Variants in KCNC2 observed in about 807,000 individuals in gnomAD.
KCNC2 encodes potassium voltage-gated channel subfamily C member 2.
KCNC2 carries 21 observed loss-of-function variants against 44.5 expected under a neutral mutation model. That is an observed-to-expected ratio of 0.47 (90% CI 0.33 to 0.68). The LOEUF is 0.68. Ranked by LOEUF, KCNC2 falls within the 30% of genes least tolerant of loss-of-function variation. The pLI, the probability that KCNC2 is intolerant of heterozygous loss-of-function variation, is 0.01. For synonymous variants in KCNC2, 391 were observed against 339.1 expected, an observed-to-expected ratio of 1.15 and a Z score of -1.68; for missense variants, 589 against 826.2, an observed-to-expected ratio of 0.71 and a Z score of 3.52.
intron 2 of KCNC2, among the ~76,000 whole-genome samples, chr12:75,200,972 C>A (rs1241788952): frequency 6.6e-6 from 1 of 151,488 alleles, no homozygotes; most frequent in Admixed American, 6.6e-5. Context: ...TGATAAGATA[C>A]TTTTCAAGTG....
At chr12:75,115,381 G>T (rs1887585291) in intron 2 of KCNC2, among the ~76,000 whole-genome samples, 1 of 152,220 alleles carries the variant, frequency 6.6e-6, no homozygotes, top group East Asian at 1.9e-4. Context: ...AAGAAGCTGA[G>T]CTTCTGAGAG....
intron 2 of KCNC2, among the ~76,000 whole-genome samples, chr12:75,116,712 C>T (rs1471137854): frequency 6.6e-6 from 1 of 152,136 alleles, no homozygotes; most frequent in African/African-American, 2.4e-5. Flanking sequence ...CTGATTAAAA[C>T]GATGCCATTC....
At chr12:75,183,676 T>G (rs931284381) in intron 2 of KCNC2, among the ~76,000 whole-genome samples, 24 of 152,328 alleles carry the variant, frequency 1.6e-4, no homozygotes, top group African/African-American at 5.8e-4. Context: ...TACCTCTGTC[T>G]TCTTGCAATA....
At chr12:75,101,225 C>T (rs1886345489) in intron 2 of KCNC2, among the ~76,000 whole-genome samples, 1 of 151,950 alleles carries the variant, frequency 6.6e-6, no homozygotes, top group Admixed American at 6.6e-5. Context: ...AAAACCAATC[C>T]AGCACACTAA....
chr12:75,086,499 G>T (rs1021435795), intron 2 of KCNC2, among the ~76,000 whole-genome samples: 7 of 151,710 alleles, frequency 4.6e-5, no homozygotes, highest in African/African-American at 1.7e-4. Flanking sequence ...ATACTAAAAT[G>T]CATGTGAATA....
rs1487385491 is a variant in KCNC2 at position 75,042,176 on chromosome 12, T to C, written c.*929A>G. 1.5e-5 allele frequency: 20 copies of C among 1,303,146 alleles called. No homozygotes were observed. The East Asian group carries it at 3.8e-4, about 25-fold the overall frequency. 80.7% of individuals were successfully genotyped at this position (1,303,146 alleles called of 1,614,324 possible). ...GAGCTTTGGGTGATATTTGGCACTC[T>C]GCCTCTGAAAATGATGACAAACCCT... is the stretch of plus-strand genomic sequence containing the variant. On this transcript the variant is annotated 3_prime_UTR_variant, in exon 5 of 5. Coordinates refer to ENST00000549446, the MANE Select transcript of KCNC2 (RefSeq NM_139137.4).
At chr12:75,158,842 A>T (rs1395263968) in intron 2 of KCNC2, among the ~76,000 whole-genome samples, 1 of 151,870 alleles carries the variant, frequency 6.6e-6, no homozygotes, top group Admixed American at 6.6e-5. Flanking sequence ...TTTGAATATA[A>T]TCAAGTTATA....
chr12:75,174,009 C>G (rs1178636098), intron 2 of KCNC2, among the ~76,000 whole-genome samples: 1 of 151,742 alleles, frequency 6.6e-6, no homozygotes, highest in African/African-American at 2.4e-5. Context: ...TCTTCATCTT[C>G]TGATTTTTTT....
chr12:75,163,812 C>T (rs1430121342), intron 2 of KCNC2, among the ~76,000 whole-genome samples: 1 of 151,664 alleles, frequency 6.6e-6, no homozygotes, highest in African/African-American at 2.4e-5. Flanking sequence ...AACTGTTTAT[C>T]TTAAAACACT....
At position 75,041,888 on chromosome 12, in the gene KCNC2, T is replaced by G; in HGVS notation, c.*1217A>C. 1 of 991,026 alleles carries G rather than the reference T, an allele frequency of 1.0e-6. No individual in the cohort carries two copies. The highest frequency in any genetic ancestry group is 4.6e-5 in the South Asian group (1 of 21,652). The allele number at this position is 991,026 out of a possible 1,614,324, so 61.4% of individuals were successfully genotyped here. A position where few individuals can be genotyped will look rare whatever the true frequency, so the allele number is the denominator to read the frequency against. ...AGTCGGGTTTGGAGGGAGTAAATATTAAAATCATAAACATCTTACAGAGGC... is the reference window on the plus strand; with the variant it reads ...AGTCGGGTTTGGAGGGAGTAAATATGAAAATCATAAACATCTTACAGAGGC... On this transcript the variant is annotated 3_prime_UTR_variant, in exon 5 of 5. Coordinates refer to ENST00000549446, the MANE Select transcript of KCNC2 (RefSeq NM_139137.4).
chr12:75,043,705 T>G (rs1880173255), intron 4 of KCNC2: 1 of 1,407,966 alleles, frequency 7.1e-7, no homozygotes, highest in East Asian at 2.6e-5. Flanking sequence ...CAACTCTTTT[T>G]CCAGCATATT....
At chr12:75,080,719 T>C (rs1268587746) in intron 2 of KCNC2, among the ~76,000 whole-genome samples, 29 of 152,098 alleles carry the variant, frequency 1.9e-4, no homozygotes, top group Admixed American at 1.9e-3. Context: ...CTCTATTTTT[T>C]AGCAGTGTGC....
intron 2 of KCNC2, among the ~76,000 whole-genome samples, chr12:75,164,872 T>G (rs1168662557): frequency 1.3e-5 from 2 of 151,722 alleles, no homozygotes; most frequent in Non-Finnish European, 3.0e-5. Flanking sequence ...TCATTATTAC[T>G]TCAAAAGCCT....
Position 75,042,400 on chromosome 12 carries a change from C to G in KCNC2, c.*705G>C. 6.2e-7 allele frequency: 1 copy of G among 1,606,902 alleles called. No homozygotes were observed. ...CTGTGTGCAAACAACCAGAGACATTCAGAACTCCAATACAGCATTTTTGAA... is the reference window on the plus strand; with the variant it reads ...CTGTGTGCAAACAACCAGAGACATTGAGAACTCCAATACAGCATTTTTGAA... On this transcript the variant is annotated 3_prime_UTR_variant, in exon 5 of 5. Coordinates refer to ENST00000549446, the MANE Select transcript of KCNC2 (RefSeq NM_139137.4).
chr12:75,052,214 C>T (rs1185522656), intron 2 of KCNC2, among the ~76,000 whole-genome samples: 1 of 152,074 alleles, frequency 6.6e-6, no homozygotes, highest in Non-Finnish European at 1.5e-5. Context: ...TACTCCTACT[C>T]CATTTTACAG....
chr12:75,100,919 A>G (rs1886322986), intron 2 of KCNC2, among the ~76,000 whole-genome samples: 1 of 152,118 alleles, frequency 6.6e-6, no homozygotes, highest in Non-Finnish European at 1.5e-5. Context: ...TTATTAGTGC[A>G]TTGTAACACT....
Position 75,195,911 on chromosome 12 carries a change from C to T in KCNC2, c.687+11386G>A, listed in dbSNP as rs563030668. Among the ~76,000 whole-genome samples, 7 of 152,238 alleles carry T rather than the reference C, an allele frequency of 4.6e-5. 1 individual carries two copies. In the East Asian group the frequency reaches 1.4e-3, roughly 29 times the overall value. Reference sequence around the variant, plus strand: ...GACTGTCTCCTGGTGTACCTCCCCACCCTTTGCTCAATGCTCCAGTGGTAT... The same window carrying T: ...GACTGTCTCCTGGTGTACCTCCCCATCCTTTGCTCAATGCTCCAGTGGTAT... On this transcript the variant is annotated intron_variant, in intron 2 of 4. Transcript: ENST00000549446.
intron 2 of KCNC2, among the ~76,000 whole-genome samples, chr12:75,148,184 A>C (rs1384430177): frequency 6.6e-6 from 1 of 152,092 alleles, no homozygotes; most frequent in East Asian, 1.9e-4. Context: ...ATCAAAATAA[A>C]AATTTAAAAG....
chr12:75,095,397 C>T (rs922859397), intron 2 of KCNC2, among the ~76,000 whole-genome samples: 2 of 151,776 alleles, frequency 1.3e-5, no homozygotes, highest in Admixed American at 1.3e-4. Context: ...ATAGAAGCCC[C>T]ACATTTTGCA....
Sources: allele counts gnomAD v4.1 joint callset (sites outside exome capture counted in the v4.1 genomes callset), GRCh38; gene constraint gnomAD v4.1.1; transcripts MANE v1.5; gene names NCBI Gene and HGNC (gene_info 2026-07-23, HGNC 2026-07-21).